The following LRRTM4 variants were observed in gnomAD, a reference collection of about 807,000 sequenced individuals.
The protein encoded by LRRTM4 is leucine rich repeat transmembrane neuronal 4, also known as leucine-rich repeat transmembrane neuronal protein 4.
Under a neutral mutation model 47.6 loss-of-function variants are expected in LRRTM4, and 25 were observed. That is an observed-to-expected ratio of 0.53 (90% CI 0.38 to 0.73). The LOEUF (loss-of-function observed/expected upper bound fraction) is 0.73. LRRTM4 is among the 30% of genes least tolerant of loss of function. The pLI is 0.00. For missense variants in LRRTM4, 638 were observed against 713.4 expected (o/e 0.89, Z 1.20); for synonymous variants, 311 against 269.5 (o/e 1.15, Z -1.51).
intron 3 of LRRTM4, among the ~76,000 whole-genome samples, chr2:77,058,654 T>C (rs1428939982): frequency 6.6e-6 from 1 of 152,100 alleles, no homozygotes; most frequent in African/African-American, 2.4e-5. Context: ...ATTCATTTGC[T>C]TGATTAAAAC....
intron 3 of LRRTM4, among the ~76,000 whole-genome samples, chr2:77,035,361 T>C (rs896021691): frequency 9.9e-5 from 15 of 151,840 alleles, no homozygotes; most frequent in Non-Finnish European, 1.9e-4. Flanking sequence ...CAGATAACAT[T>C]ATAACCTGGC....
At chr2:77,180,813 A>C (rs1673327151) in intron 3 of LRRTM4, among the ~76,000 whole-genome samples, 3 of 152,150 alleles carry the variant, frequency 2.0e-5, no homozygotes, top group Admixed American at 2.0e-4. Context: ...GAAATCGTGA[A>C]TCTGGAAGGT....
At chr2:76,796,169 C>A (rs1446239358) in intron 3 of LRRTM4, among the ~76,000 whole-genome samples, 1 of 144,076 alleles carries the variant, frequency 6.9e-6, no homozygotes, top group African/African-American at 2.5e-5. Context: ...GGGTCCTACG[C>A]CCACAGAGCC....
chr2:77,390,673 AAAT>A (rs1339782202), intron 3 of LRRTM4, among the ~76,000 whole-genome samples: 1 of 151,556 alleles, frequency 6.6e-6, no homozygotes, highest in African/African-American at 2.4e-5. Context: ...TTAAAACGTT[AAAT>A]AATATTATAT....
At chr2:77,092,617 C>A (rs1670684726) in intron 3 of LRRTM4, among the ~76,000 whole-genome samples, 1 of 145,872 alleles carries the variant, frequency 6.9e-6, no homozygotes, top group South Asian at 2.2e-4. Flanking sequence ...ACTCAACATG[C>A]CCCGAGTCAG....
At chr2:77,049,541 TTATTGA>T (rs773815353) in intron 3 of LRRTM4, among the ~76,000 whole-genome samples, 5 of 152,080 alleles carry the variant, frequency 3.3e-5, no homozygotes, top group East Asian at 3.9e-4. Context: ...TCTCTGATGA[TTATTGA>T]TATTGAGTGT....
At chr2:76,759,617 T>C (rs377736580) in intron 3 of LRRTM4, among the ~76,000 whole-genome samples, 2 of 152,126 alleles carry the variant, frequency 1.3e-5, no homozygotes, top group Middle Eastern at 3.2e-3. Flanking sequence ...ATGTTTTTTT[T>C]CCAGCTATTG....
chr2:76,979,569 T>C (rs984246446), intron 3 of LRRTM4, among the ~76,000 whole-genome samples: 3 of 97,920 alleles, frequency 3.1e-5, no homozygotes, highest in African/African-American at 1.8e-4. Flanking sequence ...CCTCTATATA[T>C]ATATATAGAG....
chr2:77,303,027 A>ATG (rs201010038), intron 3 of LRRTM4, among the ~76,000 whole-genome samples: 6,822 of 152,066 alleles, frequency 0.045, 342 homozygotes, highest in Middle Eastern at 0.11. Context: ...ACTAATATAT[A>ATG]TATTAGGCCC....
At chr2:76,888,093 T>A (rs1385392843) in intron 3 of LRRTM4, among the ~76,000 whole-genome samples, 2 of 150,234 alleles carry the variant, frequency 1.3e-5, no homozygotes, top group Non-Finnish European at 3.0e-5. Context: ...ACATATATAG[T>A]GTGTGTGTAT....
At chr2:77,269,392 A>G (rs1159096232) in intron 3 of LRRTM4, among the ~76,000 whole-genome samples, 2 of 152,188 alleles carry the variant, frequency 1.3e-5, no homozygotes, top group East Asian at 3.8e-4. Flanking sequence ...ATTACTGTGA[A>G]TAAGTTAAAC....
At position 76,800,166 on chromosome 2, in the gene LRRTM4, C is replaced by G. The variant is rs912218066; in HGVS notation, c.1552-51250G>C. Among the ~76,000 whole-genome samples, 12 of 148,144 alleles carry G rather than the reference C, an allele frequency of 8.1e-5. No homozygotes were observed. The East Asian group carries it at 1.0e-3, about 13-fold the overall frequency. ...CCAAGTCAATCCTAAGCCAAAAGAACAAAGCTGGAGGCATCACACTCCCTG... is the reference window on the plus strand; with the variant it reads ...CCAAGTCAATCCTAAGCCAAAAGAAGAAAGCTGGAGGCATCACACTCCCTG... On this transcript the variant is annotated intron_variant, in intron 3 of 3. Transcript: ENST00000409884.
intron 3 of LRRTM4, among the ~76,000 whole-genome samples, chr2:76,884,325 C>A (rs1673011616): frequency 6.6e-6 from 1 of 152,018 alleles, no homozygotes; most frequent in South Asian, 2.1e-4. Flanking sequence ...TAGAAATGGG[C>A]AGGGAATTTA....
chr2:77,422,529 A>G (rs918000911), intron 3 of LRRTM4, among the ~76,000 whole-genome samples: 1 of 152,236 alleles, frequency 6.6e-6, no homozygotes, highest in Non-Finnish European at 1.5e-5. Flanking sequence ...GTGACACATC[A>G]ACCATTTGCA....
chr2:77,159,542 A>G (rs1410246809), intron 3 of LRRTM4, among the ~76,000 whole-genome samples: 1 of 151,854 alleles, frequency 6.6e-6, no homozygotes, highest in Non-Finnish European at 1.5e-5. Flanking sequence ...AAAAAGAAAA[A>G]AAAAGGAAAT....
At chr2:76,885,938 T>A (rs2104127505) in intron 3 of LRRTM4, among the ~76,000 whole-genome samples, 1 of 152,166 alleles carries the variant, frequency 6.6e-6, no homozygotes, top group East Asian at 1.9e-4. Flanking sequence ...TACAAATGGC[T>A]TGGAAGAATA....
At chr2:76,806,914 C>T (rs574010172) in intron 3 of LRRTM4, among the ~76,000 whole-genome samples, 36 of 151,942 alleles carry the variant, frequency 2.4e-4, no homozygotes, top group African/African-American at 8.2e-4. Flanking sequence ...AAAAAAATAC[C>T]AATGACTTAT....
chr2:77,132,985 T>C (rs1042350068), intron 3 of LRRTM4, among the ~76,000 whole-genome samples: 1 of 152,166 alleles, frequency 6.6e-6, no homozygotes, highest in Non-Finnish European at 1.5e-5. Context: ...ATTTCTATTA[T>C]AGATATATAT....
At chr2:77,186,181 C>T (rs1673500742) in intron 3 of LRRTM4, among the ~76,000 whole-genome samples, 1 of 152,162 alleles carries the variant, frequency 6.6e-6, no homozygotes, top group Non-Finnish European at 1.5e-5. Context: ...CACCTCGCTT[C>T]CTTTGCACAT....
Sources: allele counts gnomAD v4.1 joint callset (sites outside exome capture counted in the v4.1 genomes callset), GRCh38; gene constraint gnomAD v4.1.1; transcripts MANE v1.5; gene names NCBI Gene and HGNC (gene_info 2026-07-23, HGNC 2026-07-21).